Variants in PEX7 observed in about 807,000 individuals in gnomAD.
The protein encoded by PEX7 is peroxisomal biogenesis factor 7.
In PEX7, 34 loss-of-function variants were observed where a neutral mutation model predicts 47.5. The ratio of observed to expected loss-of-function variants is 0.72; its 90% CI spans 0.54 to 0.95. The LOEUF is 0.95. Among genes scored for constraint, PEX7 ranks in the 40% least tolerant of loss-of-function variants. The pLI is 0.00. For synonymous variants in PEX7, 141 were observed against 148.8 expected (o/e 0.95, Z 0.38); for missense variants, 394 against 400.3 (o/e 0.98, Z 0.13).
intron 6 of PEX7, among the ~76,000 whole-genome samples, chr6:136,867,358 G>A (rs1198420544): frequency 2.6e-5 from 4 of 152,050 alleles, no homozygotes; most frequent in African/African-American, 9.7e-5. Flanking sequence ...AGATATAATG[G>A]AGCTGAAAAA....
intron 5 of PEX7, among the ~76,000 whole-genome samples, chr6:136,854,502 G>A (rs1774823980): frequency 6.6e-6 from 1 of 152,076 alleles, no homozygotes; most frequent in Admixed American, 6.6e-5. Flanking sequence ...TTTTAATTTA[G>A]TATAAATGGT....
chr6:136,857,255 C>G (rs1280231659), intron 5 of PEX7, among the ~76,000 whole-genome samples: 1 of 152,210 alleles, frequency 6.6e-6, no homozygotes, highest in Non-Finnish European at 1.5e-5. Flanking sequence ...TCCTATAACA[C>G]TTGTGTATTC....
chr6:136,894,254 C>T (rs920452479), intron 8 of PEX7, among the ~76,000 whole-genome samples: 7 of 152,012 alleles, frequency 4.6e-5, no homozygotes, highest in Admixed American at 2.0e-4. Flanking sequence ...GTCAGGAGTT[C>T]GAGACCAGCC....
At chr6:136,876,842 G>T (rs1215288282) in intron 8 of PEX7, among the ~76,000 whole-genome samples, 1 of 152,158 alleles carries the variant, frequency 6.6e-6, no homozygotes, top group Non-Finnish European at 1.5e-5. Context: ...ATAATCCTTT[G>T]GGTATATACC....
chr6:136,841,906 T>TA lies in PEX7; in HGVS notation c.340-3698dup, dbSNP rs751894251. Among the ~76,000 whole-genome samples the TA allele has an allele frequency of 3.3e-3, 475 of 144,214 alleles. 5 individuals are homozygous for TA. Among genetic ancestry groups the TA allele is most frequent in the African/African-American group, 8.8e-3 (349 of 39,472 alleles). 94.6% of individuals were successfully genotyped at this position (144,214 alleles called of 152,430 possible). On this transcript the variant is annotated intron_variant, in intron 3 of 9. Coordinates refer to ENST00000318471, the MANE Select transcript of PEX7 (RefSeq NM_000288.4). ...TGGTGTAATTACTCTTTTTTTAAAT[T>TA]AAAAAAAAAAACCCACACAGTCTCC...
chr6:136,863,128 G>A (rs1270692034), intron 5 of PEX7, among the ~76,000 whole-genome samples: 1 of 152,154 alleles, frequency 6.6e-6, no homozygotes, highest in Non-Finnish European at 1.5e-5. Context: ...TTTCCTTTTG[G>A]TACTTTCAAA....
intron 9 of PEX7, among the ~76,000 whole-genome samples, chr6:136,906,835 T>G (rs1045964753): frequency 6.6e-6 from 1 of 152,184 alleles, no homozygotes; most frequent in African/African-American, 2.4e-5. Context: ...AATTTGCAAA[T>G]CAATCCAGTT....
intron 8 of PEX7, among the ~76,000 whole-genome samples, chr6:136,886,566 T>C (rs1368945132): frequency 6.6e-6 from 1 of 152,216 alleles, no homozygotes; most frequent in African/African-American, 2.4e-5. Flanking sequence ...ATATTAATCA[T>C]TCATGCCTTA....
At chr6:136,833,494 C>A (rs1582737301) in intron 3 of PEX7, among the ~76,000 whole-genome samples, 1 of 152,346 alleles carries the variant, frequency 6.6e-6, no homozygotes, top group East Asian at 1.9e-4. Flanking sequence ...CTACACAACA[C>A]ATTTATCAAC....
chr6:136,874,372 T>C (rs1258802998), intron 8 of PEX7, among the ~76,000 whole-genome samples: 1 of 152,192 alleles, frequency 6.6e-6, no homozygotes, highest in African/African-American at 2.4e-5. Flanking sequence ...AATTTATTCG[T>C]AGAGGTGTCT....
chr6:136,891,873 G>A (rs1284062645), intron 8 of PEX7, among the ~76,000 whole-genome samples: 1 of 152,150 alleles, frequency 6.6e-6, no homozygotes, highest in Admixed American at 6.5e-5. Flanking sequence ...TTGAACTCCT[G>A]GCCTTAAGTG....
chr6:136,841,070 A>G (rs1000846932), intron 3 of PEX7, among the ~76,000 whole-genome samples: 12 of 152,226 alleles, frequency 7.9e-5, no homozygotes, highest in Admixed American at 2.0e-4. Flanking sequence ...GGTCTTATCT[A>G]AAATTGTAAC....
intron 6 of PEX7, among the ~76,000 whole-genome samples, chr6:136,869,332 CT>C (rs1775132798): frequency 6.6e-6 from 1 of 152,072 alleles, no homozygotes; most frequent in African/African-American, 2.4e-5. Context: ...GCCTCTGACT[CT>C]TGGGCTCACA....
intron 5 of PEX7, among the ~76,000 whole-genome samples, chr6:136,853,357 T>C (rs1392331151): frequency 6.6e-6 from 1 of 152,144 alleles, no homozygotes; most frequent in Non-Finnish European, 1.5e-5. Context: ...GTTGGCTGTT[T>C]AGTAGAGAAC....
Position 136,888,459 on chromosome 6 carries a change from G to C in PEX7, c.804-9683G>C, listed in dbSNP as rs150737837. On this transcript the variant is annotated intron_variant, in intron 8 of 9. Transcript: ENST00000318471. The stretch of plus-strand genomic sequence containing the variant: ...GAAATGTCTTTGTAACCCTATCACC[G>C]TTTTTTGCTTTGTGAGATGGGTTCA... 1.5e-4 allele frequency among the ~76,000 whole-genome samples: 23 copies of C among 152,120 alleles called. No individual in the cohort carries two copies. The South Asian group carries it at 4.8e-3, about 32-fold the overall frequency.
intron 8 of PEX7, among the ~76,000 whole-genome samples, chr6:136,874,064 T>C (rs994076327): frequency 7.2e-5 from 11 of 152,244 alleles, no homozygotes; most frequent in Non-Finnish European, 1.5e-4. Context: ...AAAGGTGATA[T>C]TAGTTGCAGT....
At chr6:136,888,580 A>T (rs1775506450) in intron 8 of PEX7, among the ~76,000 whole-genome samples, 1 of 152,126 alleles carries the variant, frequency 6.6e-6, no homozygotes, top group African/African-American at 2.4e-5. Flanking sequence ...GATTTGTGTA[A>T]TCCTTGCAAG....
chr6:136,888,173 G>C (rs9321581), intron 8 of PEX7, among the ~76,000 whole-genome samples: 82,174 of 151,686 alleles, frequency 0.54, 22,409 homozygotes, highest in African/African-American at 0.58. Context: ...CCTAGTCCCC[G>C]TTACCAACAA....
chr6:136,867,567 G>A (rs1257073451), intron 6 of PEX7, among the ~76,000 whole-genome samples: 15 of 151,950 alleles, frequency 9.9e-5, no homozygotes, highest in Admixed American at 9.8e-4. Flanking sequence ...AAATATTTTT[G>A]TATAGCTCTA....
Sources: gnomAD v4.1 joint callset for allele counts (sites outside exome capture counted in the v4.1 genomes callset) on GRCh38, gnomAD v4.1.1 for gene constraint, MANE v1.5 for transcripts, NCBI Gene and HGNC (gene_info 2026-07-23, HGNC 2026-07-21) for gene names.